CGNL1: variants seen among roughly 807,000 people sequenced by gnomAD.
The protein encoded by CGNL1 is cingulin like 1.
CGNL1 carries 132 observed loss-of-function variants against 141.2 expected under a neutral mutation model. The observed-to-expected ratio is 0.93, with a 90% CI of 0.81 to 1.08. The LOEUF (loss-of-function observed/expected upper bound fraction) is 1.08. Among genes scored for constraint, CGNL1 ranks in the 50% least tolerant of loss-of-function variants. The probability of loss-of-function intolerance (pLI) is 0.00; values close to 1 mark genes in which losing one functional copy is unlikely to be tolerated. For missense variants in CGNL1, 1,870 were observed against 1,588.6 expected, an observed-to-expected ratio of 1.18 and a Z score of -3.01; for synonymous variants, 690 against 622.1, an observed-to-expected ratio of 1.11 and a Z score of -1.63.
Position 57,465,886 on chromosome 15 carries a change from A to G in CGNL1, c.2403+3994A>G, listed in dbSNP as rs1264578077. On this transcript the variant is annotated intron_variant, in intron 8 of 18. Coordinates refer to ENST00000281282, the MANE Select transcript of CGNL1 (RefSeq NM_032866.5). The stretch of plus-strand genomic sequence containing the variant: ...AACATTTGGTGAAAAATGTCAAATT[A>G]TATTTCGAATGTTGTACAGGTATTC... Among the ~76,000 whole-genome samples the G allele has an allele frequency of 2.0e-5, 3 of 152,332 alleles. No homozygotes were observed. The East Asian group carries it at 5.8e-4, about 29-fold the overall frequency.
chr15:57,495,273 A>G (rs2063921381), intron 8 of CGNL1, among the ~76,000 whole-genome samples: 1 of 151,958 alleles, frequency 6.6e-6, no homozygotes, highest in South Asian at 2.1e-4. Context: ...CAGTCAGCTC[A>G]TTTACCACCA....
chr15:57,391,113 AG>A (rs2062537879), intron 1 of CGNL1, among the ~76,000 whole-genome samples: 2 of 152,184 alleles, frequency 1.3e-5, no homozygotes, highest in South Asian at 4.1e-4. Flanking sequence ...TCAGCCAACC[AG>A]CTCAAAAATG....
At chr15:57,520,231 A>G (rs970548945) in intron 10 of CGNL1, among the ~76,000 whole-genome samples, 3 of 152,168 alleles carry the variant, frequency 2.0e-5, no homozygotes, top group Non-Finnish European at 4.4e-5. Flanking sequence ...AAAAAGCACC[A>G]TCGCTCTGAA....
Position 57,438,378 on chromosome 15 carries a change from A to G in CGNL1, c.379A>G (p.Asn127Asp). Residue 127 changes from asparagine to aspartate, a missense_variant, in exon 2 of 19, where the codon AAT (asparagine) becomes GAT (aspartate). Coordinates refer to ENST00000281282, the MANE Select transcript of CGNL1 (RefSeq NM_032866.5). ...ACAGCCCCTGCTCCATGAGGGCAAG[A>G]ATGGAGTTCTAGATCGCAAAGACGG... ...LKQPLLHEGK[N>D]GVLDRKDGSV... is the part of the protein sequence containing the mutation. The G allele has an allele frequency of 6.2e-7, 1 of 1,614,162 alleles. No homozygotes were observed.
At chr15:57,408,924 C>T (rs1043074267) in intron 1 of CGNL1, among the ~76,000 whole-genome samples, 2 of 151,946 alleles carry the variant, frequency 1.3e-5, no homozygotes, top group African/African-American at 4.8e-5. Flanking sequence ...CGCCTGTAAT[C>T]CAGCTACTCA....
intron 8 of CGNL1, among the ~76,000 whole-genome samples, chr15:57,466,209 T>C (rs112834751): frequency 8.5e-5 from 13 of 152,230 alleles, no homozygotes; most frequent in African/African-American, 3.1e-4. Flanking sequence ...AACATGCTTT[T>C]TTCTCTGTTT....
intron 1 of CGNL1, among the ~76,000 whole-genome samples, chr15:57,419,756 T>C (rs1302134168): frequency 6.6e-6 from 1 of 152,230 alleles, no homozygotes. Context: ...TCAATCAGTG[T>C]CTGCCAGGTT....
At chr15:57,514,643 C>T (rs527710293) in intron 8 of CGNL1, among the ~76,000 whole-genome samples, 3 of 152,162 alleles carry the variant, frequency 2.0e-5, no homozygotes, top group Non-Finnish European at 4.4e-5. Flanking sequence ...TCTTTTGTCA[C>T]TTGTACTTTT....
chr15:57,390,920 C>T (rs1447416300), intron 1 of CGNL1, among the ~76,000 whole-genome samples: 2 of 152,014 alleles, frequency 1.3e-5, no homozygotes, highest in African/African-American at 4.8e-5. Context: ...AGAAGGACCA[C>T]AGTGTTGAAG....
intron 1 of CGNL1, among the ~76,000 whole-genome samples, chr15:57,421,584 A>G (rs2062915501): frequency 6.6e-6 from 1 of 152,112 alleles, no homozygotes; most frequent in Admixed American, 6.5e-5. Flanking sequence ...CTCAGTGGAA[A>G]CAGTATAATC....
chr15:57,499,485 G>T (rs766880245), intron 8 of CGNL1, among the ~76,000 whole-genome samples: 1 of 152,028 alleles, frequency 6.6e-6, no homozygotes, highest in Admixed American at 6.5e-5. Flanking sequence ...TGATCTGCCT[G>T]TCTTGGCCTC....
chr15:57,512,067 T>C (rs573902831), intron 8 of CGNL1, among the ~76,000 whole-genome samples: 4 of 152,212 alleles, frequency 2.6e-5, no homozygotes, highest in Non-Finnish European at 5.9e-5. Context: ...AGTTGCTCTT[T>C]ACCAGCTCTG....
At chr15:57,541,903 C>T in intron 14 of CGNL1, among the ~76,000 whole-genome samples, 1 of 152,194 alleles carries the variant, frequency 6.6e-6, no homozygotes, top group South Asian at 2.1e-4. Context: ...ACCTGGTACC[C>T]CCTCACCTAG....
chr15:57,454,203 A>G (rs2063353383), intron 7 of CGNL1, among the ~76,000 whole-genome samples: 1 of 152,184 alleles, frequency 6.6e-6, no homozygotes, highest in Non-Finnish European at 1.5e-5. Flanking sequence ...TTGCTGTAAC[A>G]TTATCATCAC....
intron 8 of CGNL1, among the ~76,000 whole-genome samples, chr15:57,476,930 G>A (rs570801847): frequency 6.6e-6 from 1 of 152,298 alleles, no homozygotes; most frequent in African/African-American, 2.4e-5. Context: ...GTCATGCACG[G>A]GCCTTATCCT....
At chr15:57,383,292 C>CTTTTTTTTTTTTTTTTTTTTTT (rs59213732) in intron 1 of CGNL1, among the ~76,000 whole-genome samples, 24 of 109,604 alleles carry the variant, frequency 2.2e-4, no homozygotes, top group African/African-American at 7.7e-4. Flanking sequence ...TTCTTTCTTC[C>CTTTTTTTTTTTTTTTTTTTTTT]TTTTTTTTTT....
At chr15:57,509,105 G>A (rs1242019057) in intron 8 of CGNL1, among the ~76,000 whole-genome samples, 1 of 152,088 alleles carries the variant, frequency 6.6e-6, no homozygotes, top group African/African-American at 2.4e-5. Context: ...ATTGTGACCC[G>A]GGCCCTATTG....
chr15:57,478,968 A>C (rs28622099), intron 8 of CGNL1, among the ~76,000 whole-genome samples: 5,618 of 152,176 alleles, frequency 0.037, 336 homozygotes, highest in African/African-American at 0.13. Context: ...GGAGTATCTA[A>C]ATTAATCTGT....
rs569633805 is a variant in CGNL1 at position 57,519,545 on chromosome 15, G to A, written c.2715+1048G>A. On this transcript the variant is annotated intron_variant, in intron 10 of 18. Transcript: ENST00000281282. ...CTCTTGGGACAAAACTCGTGTTTGC[G>A]TATAGTAAAGTCCCAATTTTTCCTG... Among the ~76,000 whole-genome samples, 97 of 152,290 alleles carry A rather than the reference G, an allele frequency of 6.4e-4. 1 individual carries two copies. Among genetic ancestry groups the A allele is most frequent in the Middle Eastern group, 6.8e-3 (2 of 294 alleles).
Sources: gnomAD v4.1 joint callset for allele counts (sites outside exome capture counted in the v4.1 genomes callset) on GRCh38, gnomAD v4.1.1 for gene constraint, MANE v1.5 for transcripts, NCBI Gene and HGNC (gene_info 2026-07-23, HGNC 2026-07-21) for gene names.